The following SORCS3 variants were observed in gnomAD, a reference collection of about 807,000 sequenced individuals.
SORCS3 encodes the protein VPS10 domain-containing receptor SorCS3.
In SORCS3, 57 loss-of-function variants were observed where a neutral mutation model predicts 146.3. That is an observed-to-expected ratio of 0.39 (90% CI 0.31 to 0.49). The LOEUF (loss-of-function observed/expected upper bound fraction) is 0.49, where lower values mean the gene tolerates loss of function less well. SORCS3 is among the 20% of genes least tolerant of loss of function. The pLI, the probability that SORCS3 is intolerant of heterozygous loss-of-function variation, is 0.92. For missense variants in SORCS3, 1,341 were observed against 1,575.5 expected (o/e 0.85, Z 2.52); for synonymous variants, 653 against 618.5 (o/e 1.06, Z -0.83).
intron 1 of SORCS3, among the ~76,000 whole-genome samples, chr10:104,757,767 A>G (rs536386382): frequency 8.5e-5 from 13 of 152,090 alleles, no homozygotes; most frequent in African/African-American, 3.1e-4. Context: ...AAATCCTAGC[A>G]TTAAATGGAG....
At chr10:104,738,126 T>C (rs1045586454) in intron 1 of SORCS3, among the ~76,000 whole-genome samples, 1 of 152,214 alleles carries the variant, frequency 6.6e-6, no homozygotes, top group Non-Finnish European at 1.5e-5. Flanking sequence ...TTCTGTTCCA[T>C]TGATCTATAC....
chr10:104,790,090 C>T (rs886105623), intron 1 of SORCS3, among the ~76,000 whole-genome samples: 14 of 152,154 alleles, frequency 9.2e-5, no homozygotes, highest in African/African-American at 2.7e-4. Context: ...TTTCTTTCCC[C>T]GTGCAGAAGC....
chr10:104,868,881 T>G (rs777795740), intron 2 of SORCS3, among the ~76,000 whole-genome samples: 2 of 152,218 alleles, frequency 1.3e-5, no homozygotes, highest in Non-Finnish European at 2.9e-5. Context: ...TTTGTGTAAG[T>G]TGTTGATTAG....
At chr10:105,245,245 G>A (rs751521972) in intron 20 of SORCS3, among the ~76,000 whole-genome samples, 5 of 152,086 alleles carry the variant, frequency 3.3e-5, no homozygotes, top group Non-Finnish European at 7.4e-5. Context: ...AACAGGGACA[G>A]GTTACAAAAG....
intron 21 of SORCS3, 32 bp downstream of exon 21, chr10:105,245,697 T>C (rs775877610): frequency 2.4e-5 from 39 of 1,609,498 alleles, no homozygotes; most frequent in Non-Finnish European, 3.1e-5. Flanking sequence ...GTGATGCTCC[T>C]TCCCGCTCAG....
chr10:105,091,345 T>C, intron 6 of SORCS3, among the ~76,000 whole-genome samples: 1 of 85,856 alleles, frequency 1.2e-5, no homozygotes, highest in Non-Finnish European at 2.5e-5. Flanking sequence ...CCTTCCTTCG[T>C]TCCTTCCTTC....
At chr10:105,142,321 G>T (rs2056100827) in intron 8 of SORCS3, among the ~76,000 whole-genome samples, 1 of 152,102 alleles carries the variant, frequency 6.6e-6, no homozygotes, top group South Asian at 2.1e-4. Flanking sequence ...TTTGTGTTTG[G>T]GAAATGGCTT....
chr10:105,192,201 A>G, intron 14 of SORCS3, among the ~76,000 whole-genome samples: 1 of 152,136 alleles, frequency 6.6e-6, no homozygotes, highest in African/African-American at 2.4e-5. Context: ...TTAAAGAGGA[A>G]ATAAGGATGG....
intron 3 of SORCS3, among the ~76,000 whole-genome samples, chr10:104,961,475 A>G (rs768578429): frequency 6.6e-6 from 1 of 152,170 alleles, no homozygotes; most frequent in Non-Finnish European, 1.5e-5. Context: ...CCAATCCTGT[A>G]TCCTGCATTT....
chr10:105,046,500 C>T (rs1367454899), intron 5 of SORCS3, among the ~76,000 whole-genome samples: 2 of 152,066 alleles, frequency 1.3e-5, no homozygotes, highest in East Asian at 1.9e-4. Flanking sequence ...GAACGAACCC[C>T]GTGCATGTCT....
intron 3 of SORCS3, among the ~76,000 whole-genome samples, chr10:104,935,693 T>A (rs2019253093): frequency 1.3e-5 from 2 of 151,686 alleles, no homozygotes; most frequent in South Asian, 4.2e-4. Context: ...AAGGAAGCTA[T>A]ATTGAAGCAG....
At chr10:104,858,093 C>A (rs948709517) in intron 2 of SORCS3, among the ~76,000 whole-genome samples, 1 of 152,110 alleles carries the variant, frequency 6.6e-6, no homozygotes, top group Non-Finnish European at 1.5e-5. Flanking sequence ...CAATGAGTTT[C>A]CAAAGCTCTA....
At chr10:104,749,082 T>C (rs1421268693) in intron 1 of SORCS3, among the ~76,000 whole-genome samples, 2 of 152,182 alleles carry the variant, frequency 1.3e-5, no homozygotes, top group Non-Finnish European at 2.9e-5. Context: ...AAGGGGCTTT[T>C]GGGTAACCTG....
intron 2 of SORCS3, among the ~76,000 whole-genome samples, chr10:104,857,550 A>G (rs184395977): frequency 1.3e-5 from 2 of 152,304 alleles, no homozygotes; most frequent in East Asian, 1.9e-4. Context: ...AGAATGTCCA[A>G]TGATCTGATG....
At position 104,977,338 on chromosome 10, in the gene SORCS3, A is replaced by G. The variant is rs1032877024; in HGVS notation, c.799A>G (p.Met267Val). The G allele has an allele frequency of 6.2e-7, 1 of 1,610,596 alleles. No individual in the cohort carries two copies. Among genetic ancestry groups the G allele is most frequent in the Non-Finnish European group, 8.5e-7 (1 of 1,178,640 alleles). The change falls in exon 4 of 27, where the codon ATG becomes GTG. Residue 267 changes from methionine (M) to valine (V), a missense_variant. Met to Val is a conservative substitution (Grantham distance 21, BLOSUM62 1). Coordinates refer to ENST00000369701, the MANE Select transcript of SORCS3 (RefSeq NM_014978.3). Reference sequence around the variant, plus strand: ...TGTCCCTCTATCCTTTCTTTAGATTATGCTTCTCAGTGATCCTGAGATGGA... The same window carrying G: ...TGTCCCTCTATCCTTTCTTTAGATTGTGCTTCTCAGTGATCCTGAGATGGA... Reference protein sequence around the residue: ...YVNPTNKRKIMLLSDPEMESS... With the variant: ...YVNPTNKRKIVLLSDPEMESS...
intron 1 of SORCS3, among the ~76,000 whole-genome samples, chr10:104,769,968 C>G (rs576038761): frequency 2.0e-4 from 31 of 152,200 alleles, no homozygotes; most frequent in Non-Finnish European, 4.4e-5. Flanking sequence ...GAGAGCGAAA[C>G]AGGCTCCCTA....
intron 2 of SORCS3, among the ~76,000 whole-genome samples, chr10:104,865,866 C>A (rs900523585): frequency 6.6e-6 from 1 of 152,182 alleles, no homozygotes; most frequent in African/African-American, 2.4e-5. Flanking sequence ...GCTTTCTTTG[C>A]GAGATAGTAC....
chr10:104,674,923 T>A (rs569297638), intron 1 of SORCS3, among the ~76,000 whole-genome samples: 6 of 152,226 alleles, frequency 3.9e-5, no homozygotes, highest in Non-Finnish European at 7.3e-5. Flanking sequence ...TGTTTCCAAT[T>A]TTTGGCTATA....
At chr10:105,185,490 C>T (rs2056469499) in intron 14 of SORCS3, among the ~76,000 whole-genome samples, 1 of 152,168 alleles carries the variant, frequency 6.6e-6, no homozygotes, top group Admixed American at 6.5e-5. Flanking sequence ...CCGTTTCACT[C>T]CTTGTTCGTT....
Sources: allele counts gnomAD v4.1 joint callset (sites outside exome capture counted in the v4.1 genomes callset), GRCh38; gene constraint gnomAD v4.1.1; transcripts MANE v1.5; gene names NCBI Gene and HGNC (gene_info 2026-07-23, HGNC 2026-07-21).